Variants in RAPGEF4 observed in about 807,000 individuals in gnomAD.
RAPGEF4 encodes the protein RAP guanine-nucleotide-exchange factor (GEF) 4.
A neutral mutation model predicts 147.9 loss-of-function variants in RAPGEF4; 66 were observed. The observed-to-expected ratio is 0.45, with a 90% CI of 0.37 to 0.55. RAPGEF4 has a LOEUF of 0.55. RAPGEF4 is among the 20% of genes least tolerant of loss of function. The pLI, the probability that RAPGEF4 is intolerant of heterozygous loss-of-function variation, is 0.00. For synonymous variants in RAPGEF4, 419 were observed against 442.7 expected (o/e 0.95, Z 0.67); for missense variants, 1,071 against 1,257.3 (o/e 0.85, Z 2.24).
intron 5 of RAPGEF4, 49 bp from the exon 6 acceptor site, chr2:172,922,232 G>A (rs931973285): frequency 6.3e-7 from 1 of 1,575,938 alleles, no homozygotes. Context: ...CACTTTACCG[G>A]TTGATTATAC....
At chr2:172,994,740 A>G (rs1693156222) in intron 15 of RAPGEF4, among the ~76,000 whole-genome samples, 1 of 152,352 alleles carries the variant, frequency 6.6e-6, no homozygotes, top group South Asian at 2.1e-4. Context: ...ATCGAAAGTC[A>G]TTTATAAATA....
chr2:172,931,188 T>TGGGGGGGGGGGG (rs1575283791), intron 6 of RAPGEF4, among the ~76,000 whole-genome samples: 4 of 1,518 alleles, frequency 2.6e-3, no homozygotes, highest in Non-Finnish European at 3.1e-3. Context: ...GGGGGGGCGC[T>TGGGGGGGGGGGG]GGGGGGCGGG....
intron 4 of RAPGEF4, among the ~76,000 whole-genome samples, chr2:172,881,418 T>C (rs1214735651): frequency 6.6e-6 from 1 of 152,236 alleles, no homozygotes; most frequent in Admixed American, 6.5e-5. Context: ...TTAATGCCAA[T>C]ATTTTATGTA....
chr2:172,761,873 C>A (rs2149468630), intron 1 of RAPGEF4, among the ~76,000 whole-genome samples: 1 of 152,200 alleles, frequency 6.6e-6, no homozygotes, highest in South Asian at 2.1e-4. Context: ...CCTGTAATCC[C>A]AGCACTTTGG....
intron 4 of RAPGEF4, among the ~76,000 whole-genome samples, chr2:172,849,189 T>C (rs1190754468): frequency 6.6e-6 from 1 of 152,148 alleles, no homozygotes; most frequent in Non-Finnish European, 1.5e-5. Flanking sequence ...ATTCCAGAGC[T>C]TAATCATTGG....
chr2:172,757,030 C>T (rs1695848163), intron 1 of RAPGEF4, among the ~76,000 whole-genome samples: 2 of 152,220 alleles, frequency 1.3e-5, no homozygotes, highest in African/African-American at 4.8e-5. Flanking sequence ...TTGTAAGAAC[C>T]TCAATTTACC....
At chr2:172,956,762 G>A (rs890083541) in intron 6 of RAPGEF4, among the ~76,000 whole-genome samples, 6 of 152,174 alleles carry the variant, frequency 3.9e-5, no homozygotes, top group East Asian at 1.9e-4. Flanking sequence ...GAGCCACTGC[G>A]CCTGGCCCAC....
intron 4 of RAPGEF4, among the ~76,000 whole-genome samples, chr2:172,902,725 A>G (rs1475038553): frequency 1.3e-5 from 2 of 152,210 alleles, no homozygotes; most frequent in East Asian, 3.9e-4. Flanking sequence ...GATGATATAA[A>G]GTATGGGCCT....
chr2:172,956,682 G>A (rs987753215), intron 6 of RAPGEF4, among the ~76,000 whole-genome samples: 1 of 152,074 alleles, frequency 6.6e-6, no homozygotes, highest in African/African-American at 2.4e-5. Context: ...GTGTTACCCA[G>A]GTTGGTCTCG....
At position 172,735,982 on chromosome 2, in the gene RAPGEF4, A is replaced by G. The variant is rs1693704501; in HGVS notation, c.-2A>G. 3 of 1,471,302 alleles carry G rather than the reference A, an allele frequency of 2.0e-6. No individual in the cohort carries two copies. The highest frequency in any genetic ancestry group is 2.7e-6 in the Non-Finnish European group (3 of 1,109,692). The allele number at this position is 1,471,302 out of a possible 1,614,324, so 91.1% of individuals were successfully genotyped here. On this transcript the variant is annotated 5_prime_UTR_variant, in exon 1 of 31. Transcript: ENST00000397081. ...CAGGGACACCGCGCGCCGCCGCTCA[A>G]CATGGTCGCTGCGCACGCTGCCCAT...
chr2:172,837,470 G>A (rs1361933580), intron 4 of RAPGEF4, among the ~76,000 whole-genome samples: 2 of 152,088 alleles, frequency 1.3e-5, no homozygotes, highest in Non-Finnish European at 2.9e-5. Context: ...CTATGATCAA[G>A]CATTATCAGT....
chr2:172,762,551 T>C (rs1696446827), intron 1 of RAPGEF4, among the ~76,000 whole-genome samples: 1 of 152,186 alleles, frequency 6.6e-6, no homozygotes, highest in Admixed American at 6.5e-5. Context: ...GCTGAGCTTG[T>C]CTATAAGAGG....
intron 1 of RAPGEF4, among the ~76,000 whole-genome samples, chr2:172,783,335 A>G (rs1389770219): frequency 6.6e-6 from 1 of 151,882 alleles, no homozygotes; most frequent in Non-Finnish European, 1.5e-5. Flanking sequence ...TTCTTATCTC[A>G]TTTGGGATCT....
intron 4 of RAPGEF4, among the ~76,000 whole-genome samples, chr2:172,892,741 C>T (rs1276546519): frequency 6.6e-6 from 1 of 152,230 alleles, no homozygotes. Flanking sequence ...TCCTGACTTT[C>T]ACTCCTGCTT....
chr2:172,995,291 T>G lies in RAPGEF4; in HGVS notation c.1491-1175T>G, dbSNP rs548027109. On this transcript the variant is annotated intron_variant, in intron 15 of 30. Transcript: ENST00000397081. ...TGTGTGTGTGTGTGTGTGTGTGTGT[T>G]TGTATTTTGAGATGGAGTCTTGCTG... 8.1e-3 allele frequency among the ~76,000 whole-genome samples: 1,121 copies of G among 138,792 alleles called. 19 individuals are homozygous for G. The highest frequency in any genetic ancestry group is 0.03 in the African/African-American group (1,057 of 34,666). 91.1% of individuals were successfully genotyped at this position (138,792 alleles called of 152,430 possible).
At chr2:173,000,377 A>T (rs1693777207) in intron 16 of RAPGEF4, among the ~76,000 whole-genome samples, 3 of 152,220 alleles carry the variant, frequency 2.0e-5, no homozygotes, top group African/African-American at 7.2e-5. Context: ...TCCATTTAAG[A>T]TGAGCGTCAC....
intron 4 of RAPGEF4, among the ~76,000 whole-genome samples, chr2:172,910,941 G>A (rs926889031): frequency 5.3e-5 from 8 of 152,220 alleles, no homozygotes; most frequent in Non-Finnish European, 1.2e-4. Flanking sequence ...CCCTATTGAT[G>A]AAGGAAAGAG....
chr2:172,867,981 A>G (rs894463233), intron 4 of RAPGEF4, among the ~76,000 whole-genome samples: 5 of 152,220 alleles, frequency 3.3e-5, no homozygotes, highest in African/African-American at 4.8e-5. Flanking sequence ...CCTTCCAGAG[A>G]TGAAGAAAGT....
At position 172,761,468 on chromosome 2, in the gene RAPGEF4, G is replaced by GA. The variant is rs753544130; in HGVS notation, c.65+25428dup. Among the ~76,000 whole-genome samples, 37 of 151,698 alleles carry GA rather than the reference G, an allele frequency of 2.4e-4. No individual in the cohort carries two copies. The East Asian group carries it at 6.4e-3, about 26-fold the overall frequency. ...GAAGTGGAACATTTTTCAAATGTGG[G>GA]AAAAAAAAGAATTGTCAACCCAGAA... On this transcript the variant is annotated intron_variant, in intron 1 of 30. Transcript: ENST00000397081.
Sources: gnomAD v4.1 joint callset for allele counts (sites outside exome capture counted in the v4.1 genomes callset) on GRCh38, gnomAD v4.1.1 for gene constraint, MANE v1.5 for transcripts, NCBI Gene and HGNC (gene_info 2026-07-23, HGNC 2026-07-21) for gene names.